The following CD38 variants were observed in gnomAD, a reference collection of about 807,000 sequenced individuals.
CD38 encodes the protein CD38 molecule.
A neutral mutation model predicts 36.3 loss-of-function variants in CD38; 31 were observed. That is an observed-to-expected ratio of 0.85 (90% CI 0.64 to 1.15). The LOEUF (loss-of-function observed/expected upper bound fraction) is 1.15, where lower values mean the gene tolerates loss of function less well. CD38 is among the 50% of genes most tolerant of loss of function. The probability of loss-of-function intolerance (pLI) is 0.00; values close to 1 mark genes in which losing one functional copy is unlikely to be tolerated. For synonymous variants in CD38, 131 were observed against 135.2 expected (o/e 0.97, Z 0.22); for missense variants, 380 against 371.9 (o/e 1.02, Z -0.18).
rs887513927 is a variant in CD38, at chr4:15,778,683, C to T, written c.233+36C>T. ...GACTAAGGCGCACCGGTGGGCACTG[C>T]GGGGACAGCAGGGCCCCGCGCGCAG... On this transcript the variant is annotated intron_variant, in intron 1 of 7. Coordinates refer to ENST00000226279, the MANE Select transcript of CD38 (RefSeq NM_001775.4). This position sits in a 1 kb window ranked among gnomAD's most constrained non-coding sequence, Gnocchi z 4.9. 12 of 1,447,398 alleles carry T rather than the reference C, an allele frequency of 8.3e-6. No homozygotes were observed. Among genetic ancestry groups the T allele is most frequent in the Non-Finnish European group, 1.2e-5 (12 of 1,033,422 alleles). The allele number at this position is 1,447,398 out of a possible 1,614,324, so 89.7% of individuals were successfully genotyped here.
At chr4:15,833,056 A>C (rs1306352655) in intron 3 of CD38, among the ~76,000 whole-genome samples, 1 of 152,176 alleles carries the variant, frequency 6.6e-6, no homozygotes, top group Non-Finnish European at 1.5e-5. Flanking sequence ...TAATATTCCA[A>C]GGCCCAAGGA....
In CD38 at chr4:15,824,953, G is replaced by A. The variant is rs2148924560; in HGVS notation, c.436G>A (p.Glu146Lys). The A allele has an allele frequency of 1.2e-6, 2 of 1,613,934 alleles. No individual in the cohort carries two copies. Among genetic ancestry groups the A allele is most frequent in the Non-Finnish European group, 8.5e-7 (1 of 1,179,934 alleles). ...TQVQRDMFTL[E>K]DTLLGYLADD... ...GGTCCAGCGGGACATGTTCACCCTGGAGGACACGCTGCTAGGCTACCTTGC... is the reference window on the plus strand; with the variant it reads ...GGTCCAGCGGGACATGTTCACCCTGAAGGACACGCTGCTAGGCTACCTTGC... The change falls in exon 3 of 8, where the codon GAG becomes AAG. Residue 146 changes from glutamate (E) to lysine (K), a missense_variant. By Grantham distance (56) the Glu-to-Lys change is moderately conservative (BLOSUM62 1). Transcript: ENST00000226279.
chr4:15,820,674 C>A (rs1357509866), intron 2 of CD38, among the ~76,000 whole-genome samples: 1 of 152,032 alleles, frequency 6.6e-6, no homozygotes, highest in African/African-American at 2.4e-5. Context: ...TACAGGAACA[C>A]CGAGATTCAT....
chr4:15,794,363 G>A (rs1308516304), intron 1 of CD38, among the ~76,000 whole-genome samples: 3 of 152,196 alleles, frequency 2.0e-5, no homozygotes, highest in South Asian at 2.1e-4. Context: ...GGAGACTACT[G>A]TTTTAGTGGA....
At chr4:15,782,356 G>A (rs780218464) in intron 1 of CD38, among the ~76,000 whole-genome samples, 2 of 152,120 alleles carry the variant, frequency 1.3e-5, no homozygotes, top group Non-Finnish European at 2.9e-5. Flanking sequence ...CTTTACATCT[G>A]GATTTGTTAG....
At chr4:15,831,436 C>T (rs1486344681) in intron 3 of CD38, among the ~76,000 whole-genome samples, 1 of 152,092 alleles carries the variant, frequency 6.6e-6, no homozygotes, top group East Asian at 1.9e-4. Flanking sequence ...TTGAAGTACT[C>T]CCTTTAGCAT....
chr4:15,801,023 T>A (rs926401097), intron 1 of CD38, among the ~76,000 whole-genome samples: 8 of 151,676 alleles, frequency 5.3e-5, no homozygotes, highest in Non-Finnish European at 4.4e-5. Context: ...AGTTGTTTTT[T>A]AAAAAAAATT....
Position 15,838,251 on chromosome 4 carries a change from T to C in CD38, c.659+86T>C, listed in dbSNP as rs563323227. The C allele has an allele frequency of 1.4e-3, 1,580 of 1,122,042 alleles. 2 individuals carry two copies. Among genetic ancestry groups the C allele is most frequent in the Non-Finnish European group, 1.8e-3 (1,324 of 749,372 alleles). 69.5% of individuals were successfully genotyped at this position (1,122,042 alleles called of 1,614,324 possible). A position where few individuals can be genotyped will look rare whatever the true frequency, so the allele number is the denominator to read the frequency against. On this transcript the variant is annotated intron_variant, in intron 5 of 7. Transcript: ENST00000226279. ...TTCATCTCTAGAAAGAATATGCTTT[T>C]CATGTTTCAGGTCAGTTCTGAAGAT...
At chr4:15,819,144 C>T (rs1401769343) in intron 2 of CD38, among the ~76,000 whole-genome samples, 1 of 152,106 alleles carries the variant, frequency 6.6e-6, no homozygotes, top group Non-Finnish European at 1.5e-5. Context: ...AGTGAGAACA[C>T]ATGGACACAG....
chr4:15,841,609 C>T (rs1383834874), intron 7 of CD38, among the ~76,000 whole-genome samples: 7 of 149,662 alleles, frequency 4.7e-5, no homozygotes, highest in South Asian at 4.2e-4. Context: ...GCGTGAGCGA[C>T]GCAGAAGACG....
intron 2 of CD38, 86 bp from the exon 3 acceptor site, chr4:15,824,795 T>C (rs1723813017): frequency 9.2e-7 from 1 of 1,090,342 alleles, no homozygotes; most frequent in Admixed American, 2.0e-5. Context: ...ATGCTCTGTT[T>C]TTTTTTTCAT....
chr4:15,814,275 G>T (rs563325147), intron 1 of CD38, among the ~76,000 whole-genome samples: 1 of 152,110 alleles, frequency 6.6e-6, no homozygotes, highest in Admixed American at 6.6e-5. Flanking sequence ...AATACCCTTC[G>T]CCCACTTTTT....
intron 1 of CD38, among the ~76,000 whole-genome samples, chr4:15,801,939 T>C (rs2148918672): frequency 6.6e-6 from 1 of 152,310 alleles, no homozygotes; most frequent in East Asian, 1.9e-4. Flanking sequence ...CTGGAAGTTC[T>C]AGCCAGAGCA....
intron 1 of CD38, among the ~76,000 whole-genome samples, chr4:15,779,578 A>C (rs1439469836): frequency 6.6e-6 from 1 of 152,178 alleles, no homozygotes; most frequent in Non-Finnish European, 1.5e-5. Context: ...ATCCGAGGAA[A>C]CGAGCAAATA....
chr4:15,840,662 C>T lies in CD38; in HGVS notation c.839+124C>T, dbSNP rs28619928. On this transcript the variant is annotated intron_variant, in intron 7 of 7. Transcript: ENST00000226279. ...CTTTCTTGGGCCTTGATGATGATCA[C>T]AGATGGCAACCTCTGGTGATCTCTG... The T allele has an allele frequency of 0.011, 6,498 of 615,846 alleles. 361 individuals carry two copies. The African/African-American group carries it at 0.11, about 10-fold the overall frequency. 38.1% of individuals were successfully genotyped at this position (615,846 alleles called of 1,614,324 possible). A position where few individuals can be genotyped will look rare whatever the true frequency, so the allele number is the denominator to read the frequency against.
intron 4 of CD38, among the ~76,000 whole-genome samples, chr4:15,835,529 C>T (rs569285821): frequency 2.6e-5 from 4 of 152,034 alleles, no homozygotes; most frequent in Admixed American, 1.3e-4. Flanking sequence ...AGGTGTGGGC[C>T]ACTATGCCCG....
At chr4:15,820,626 C>T (rs1723712568) in intron 2 of CD38, among the ~76,000 whole-genome samples, 1 of 152,076 alleles carries the variant, frequency 6.6e-6, no homozygotes, top group Non-Finnish European at 1.5e-5. Context: ...GTAAATTCAA[C>T]AAGAAGAGCA....
chr4:15,811,749 G>A (rs1478001753), intron 1 of CD38, among the ~76,000 whole-genome samples: 1 of 152,202 alleles, frequency 6.6e-6, no homozygotes, highest in Non-Finnish European at 1.5e-5. Flanking sequence ...AAGGAAACAG[G>A]ATGCAAAGCT....
intron 1 of CD38, among the ~76,000 whole-genome samples, chr4:15,810,881 T>G (rs757510029): frequency 5.5e-4 from 84 of 152,354 alleles, no homozygotes; most frequent in Non-Finnish European, 8.5e-4. Context: ...AACTGTTCTA[T>G]TTTTAAATGG....
Sources: gnomAD v4.1 joint callset for allele counts (sites outside exome capture counted in the v4.1 genomes callset) on GRCh38, gnomAD v4.1.1 for gene constraint, Gnocchi (gnomAD v3.1) non-coding constraint, MANE v1.5 for transcripts, NCBI Gene and HGNC (gene_info 2026-07-23, HGNC 2026-07-21) for gene names.